Variants in TRPV3 observed in about 807,000 individuals in gnomAD.
The protein encoded by TRPV3 is VRL-3.
Under a neutral mutation model 87.1 loss-of-function variants are expected in TRPV3, and 88 were observed. That is an observed-to-expected ratio of 1.01 (90% CI 0.85 to 1.21). The LOEUF is 1.21. Among genes scored for constraint, TRPV3 ranks in the 50% most tolerant of loss-of-function variants. TRPV3 has a pLI of 0.00. For synonymous variants in TRPV3, 438 were observed against 423.3 expected (o/e 1.03, Z -0.43); for missense variants, 1,054 against 1,030.1 (o/e 1.02, Z -0.32).
intron 17 of TRPV3, 91 bp downstream of exon 17, chr17:3,514,502 T>TG: frequency 1.1e-6 from 1 of 884,904 alleles, no homozygotes; most frequent in South Asian, 1.4e-5. Flanking sequence ...ATTTGACAGA[T>TG]GGGGAAAGTC....
Position 3,518,827 on chromosome 17 carries a change from A to C in TRPV3, c.1834T>G (p.Cys612Gly), listed in dbSNP as rs778392278. 8 of 1,614,006 alleles carry C rather than the reference A, an allele frequency of 5.0e-6. No individual in the cohort carries two copies. The highest frequency in any genetic ancestry group is 1.7e-5 in the Admixed American group (1 of 60,018). ...GVALASLIEK[C>G]PKDNKDCSSY... ...CTGCAGTCCTTGTTGTCTTTGGGACACTTCTCGATCAGCGAGGCCAAGGCT... is the reference window on the plus strand; with the variant it reads ...CTGCAGTCCTTGTTGTCTTTGGGACCCTTCTCGATCAGCGAGGCCAAGGCT... Residue 612 changes from cysteine to glycine, a missense_variant, in exon 15 of 18, where the codon TGT (cysteine) becomes GGT (glycine). Cys to Gly is a radical substitution (Grantham distance 159). Coordinates refer to ENST00000576742, the MANE Select transcript of TRPV3 (RefSeq NM_145068.4). The surrounding 1 kb of genome is among the most constrained non-coding windows in gnomAD (Gnocchi z 4.3).
intron 13 of TRPV3, among the ~76,000 whole-genome samples, chr17:3,521,627 T>C (rs1357026635): frequency 1.3e-5 from 2 of 152,178 alleles, no homozygotes; most frequent in Non-Finnish European, 1.5e-5. Flanking sequence ...TCACAATATA[T>C]ACCTATATCA....
intron 3 of TRPV3, among the ~76,000 whole-genome samples, 167 bp downstream of exon 3, chr17:3,545,000 C>T (rs944847094): frequency 3.9e-5 from 6 of 152,242 alleles, no homozygotes; most frequent in African/African-American, 9.6e-5. Flanking sequence ...GGCAACAGAG[C>T]GACATTCCAT....
At chr17:3,519,444 G>GGATGGATA (rs2074215811) in intron 14 of TRPV3, among the ~76,000 whole-genome samples, 1 of 147,982 alleles carries the variant, frequency 6.8e-6, no homozygotes, top group South Asian at 2.2e-4. Context: ...ATGGATGGAT[G>GGATGGATA]GATGGATAGA....
chr17:3,528,696 G>A lies in TRPV3; in HGVS notation c.1401+141C>T, dbSNP rs995075643. 1.0e-6 allele frequency: 1 copy of A among 972,920 alleles called. No homozygotes were observed. Among genetic ancestry groups the A allele is most frequent in the African/African-American group, 1.6e-5 (1 of 60,916 alleles). The allele number at this position is 972,920 out of a possible 1,614,324, so 60.3% of individuals were successfully genotyped here. ...GCACTGAAGACATATTCAGTTCCCT[G>A]GGAAGCGTGAAGGACAACTGGGGGA... On this transcript the variant is annotated intron_variant, in intron 10 of 17. Coordinates refer to ENST00000576742, the MANE Select transcript of TRPV3 (RefSeq NM_145068.4). This position sits in a 1 kb window ranked among gnomAD's most constrained non-coding sequence, Gnocchi z 4.2.
chr17:3,530,778 A>G lies in TRPV3; in HGVS notation c.1066-575T>C, dbSNP rs1050040714. On this transcript the variant is annotated intron_variant, in intron 8 of 17. Transcript: ENST00000576742. This position sits in a 1 kb window ranked among gnomAD's most constrained non-coding sequence, Gnocchi z 4.0. Reference sequence around the variant, plus strand: ...ACTTAGAAATTCCCACAGCATGGCCAGGTGCAGTAGCTCACGCCTGTAATC... The same window carrying G: ...ACTTAGAAATTCCCACAGCATGGCCGGGTGCAGTAGCTCACGCCTGTAATC... Among the ~76,000 whole-genome samples the G allele has an allele frequency of 3.3e-5, 5 of 152,040 alleles. No individual in the cohort carries two copies. Among genetic ancestry groups the G allele is most frequent in the African/African-American group, 1.2e-4 (5 of 41,390 alleles).
At chr17:3,539,022 C>T (rs1025204346) in intron 6 of TRPV3, among the ~76,000 whole-genome samples, 7 of 152,332 alleles carry the variant, frequency 4.6e-5, no homozygotes, top group Non-Finnish European at 1.0e-4. Context: ...CAGCTGGAAA[C>T]ACCTGACTGT....
At chr17:3,514,361 G>A (rs1014745520) in intron 17 of TRPV3, 4 of 557,872 alleles carry the variant, frequency 7.2e-6, no homozygotes, top group East Asian at 6.0e-5. Flanking sequence ...TTACAGGCAC[G>A]AGCCACCGCG....
At position 3,554,615 on chromosome 17, in the gene TRPV3, C is replaced by T. The variant is rs2074609059; in HGVS notation, c.119+117G>A. 4 of 732,270 alleles carry T rather than the reference C, an allele frequency of 5.5e-6. No homozygotes were observed. The South Asian group carries it at 7.0e-5, about 13-fold the overall frequency. The allele number at this position is 732,270 out of a possible 1,614,324, so 45.4% of individuals were successfully genotyped here. On this transcript the variant is annotated intron_variant, in intron 2 of 17. Coordinates refer to ENST00000576742, the MANE Select transcript of TRPV3 (RefSeq NM_145068.4). ...TACCTCGCCGGGCACCGGGCCACCC[C>T]GGGCGAGACTGAGAGTCTCAGGTCT...
Position 3,518,947 on chromosome 17 carries a change from C to T in TRPV3, c.1811-97G>A, listed in dbSNP as rs2074208473. The T allele has an allele frequency of 1.5e-6, 2 of 1,327,438 alleles. No individual in the cohort carries two copies. Among genetic ancestry groups the T allele is most frequent in the Admixed American group, 2.4e-5 (1 of 41,846 alleles). The allele number at this position is 1,327,438 out of a possible 1,614,324, so 82.2% of individuals were successfully genotyped here. A position where few individuals can be genotyped will look rare whatever the true frequency, so the allele number is the denominator to read the frequency against. On this transcript the variant is annotated intron_variant, in intron 14 of 17. Transcript: ENST00000576742. The surrounding 1 kb of genome is among the most constrained non-coding windows in gnomAD (Gnocchi z 4.3). ...GCCTACATGACAAGCCTGCTGCCTC[C>T]TTCTCTCTGGCCATTAAATCCCATC...
Position 3,512,575 on chromosome 17 carries a change from G to C in TRPV3, c.*1342C>G, listed in dbSNP as rs185869145. 6.6e-6 allele frequency: 1 copy of C among 152,000 alleles called. No homozygotes were observed. The highest frequency in any genetic ancestry group is 1.9e-4 in the East Asian group (1 of 5,176). 9.4% of individuals were successfully genotyped at this position (152,000 alleles called of 1,614,324 possible). On this transcript the variant is annotated 3_prime_UTR_variant, in exon 18 of 18. Coordinates refer to ENST00000576742, the MANE Select transcript of TRPV3 (RefSeq NM_145068.4). Reference sequence around the variant, plus strand: ...GTTACTATTTTTATAATTCCACCTCGAACATTTTTACATGAATCCTTTCAC... The same window carrying C: ...GTTACTATTTTTATAATTCCACCTCCAACATTTTTACATGAATCCTTTCAC...
intron 12 of TRPV3, among the ~76,000 whole-genome samples, chr17:3,526,482 TA>T (rs112541565): frequency 0.095 from 13,622 of 143,514 alleles, 1,669 homozygotes; most frequent in African/African-American, 0.28. Flanking sequence ...CCACCTCAAC[TA>T]AAAAAAAAAA....
chr17:3,549,506 CAGA>C (rs1435279063), intron 2 of TRPV3, among the ~76,000 whole-genome samples: 1 of 152,206 alleles, frequency 6.6e-6, no homozygotes, highest in Non-Finnish European at 1.5e-5. Flanking sequence ...TCCTAACACT[CAGA>C]AGACTTCATC....
chr17:3,543,667 C>T lies in TRPV3; in HGVS notation c.312-39G>A, dbSNP rs1486893149. On this transcript the variant is annotated intron_variant, in intron 4 of 17. Transcript: ENST00000576742. ...ATGTTTCCAACTCAACACACACATC[C>T]TCTCAAGCTCAATCTCTCCTTTTCC... is the stretch of plus-strand genomic sequence containing the variant. 7 of 1,608,240 alleles carry T rather than the reference C, an allele frequency of 4.4e-6. No individual in the cohort carries two copies. The East Asian group carries it at 6.7e-5, about 15-fold the overall frequency.
At position 3,513,708 on chromosome 17, in the gene TRPV3, G is replaced by C; in HGVS notation, c.*209C>G. On this transcript the variant is annotated 3_prime_UTR_variant, in exon 18 of 18. Transcript: ENST00000576742. Reference sequence around the variant, plus strand: ...TAGGTTTACACCAGCTGTTTGCCAAGTAACAAAATCCAGGATGTTTCCCAC... The same window carrying C: ...TAGGTTTACACCAGCTGTTTGCCAACTAACAAAATCCAGGATGTTTCCCAC... 1 of 485,936 alleles carries C rather than the reference G, an allele frequency of 2.1e-6. No individual in the cohort carries two copies. Among genetic ancestry groups the C allele is most frequent in the East Asian group, 3.1e-5 (1 of 32,336 alleles). 30.1% of individuals were successfully genotyped at this position (485,936 alleles called of 1,614,324 possible). A position where few individuals can be genotyped will look rare whatever the true frequency, so the allele number is the denominator to read the frequency against.
rs538028831 is a variant in TRPV3 at position 3,518,173 on chromosome 17, C to T, written c.2085+403G>A. 5.3e-5 allele frequency among the ~76,000 whole-genome samples: 8 copies of T among 152,162 alleles called. No individual in the cohort carries two copies. The highest frequency in any genetic ancestry group is 1.9e-4 in the African/African-American group (8 of 41,514). ...CCAGTCCTCTCCCAAACCTGGTTAC[C>T]ACCTCTGAACCCATCCTATGCATTG... On this transcript the variant is annotated intron_variant, in intron 15 of 17. Transcript: ENST00000576742. This position sits in a 1 kb window ranked among gnomAD's most constrained non-coding sequence, Gnocchi z 4.3.
intron 12 of TRPV3, among the ~76,000 whole-genome samples, chr17:3,525,163 GCACCC>G (rs2074286401): frequency 1.3e-5 from 2 of 149,866 alleles, no homozygotes; most frequent in East Asian, 4.2e-4. Context: ...GGGATTACAG[GCACCC>G]GCCACCACAC....
intron 2 of TRPV3, among the ~76,000 whole-genome samples, chr17:3,545,824 C>CAAAA (rs35206458): frequency 6.7e-4 from 83 of 124,574 alleles, no homozygotes; most frequent in African/African-American, 2.4e-3. Flanking sequence ...ACTTAAAATG[C>CAAAA]AAAAAAAAAA....
At position 3,528,036 on chromosome 17, in the gene TRPV3, A is replaced by G. The variant is rs1479466505; in HGVS notation, c.1492T>C (p.Ser498Pro). The G allele has an allele frequency of 1.9e-6, 3 of 1,613,560 alleles. No individual in the cohort carries two copies. Among genetic ancestry groups the G allele is most frequent in the Non-Finnish European group, 2.5e-6 (3 of 1,179,930 alleles). Residue 498 changes from serine to proline, a missense_variant, in exon 11 of 18, where the codon TCT (serine) becomes CCT (proline). Physicochemically the swap from Ser to Pro is moderately conservative, Grantham distance 74. Transcript: ENST00000576742. The surrounding 1 kb of genome is among the most constrained non-coding windows in gnomAD (Gnocchi z 4.2). ...GGTGGCCCACTTACCTCTTTCACAG[A>G]GATGCACATGGCCCAGATGAGCACA... Reference protein sequence around the residue: ...MFVLIWAMCISVKEGIAIFLL... With the variant: ...MFVLIWAMCIPVKEGIAIFLL...
Sources: gnomAD v4.1 joint callset for allele counts (sites outside exome capture counted in the v4.1 genomes callset) on GRCh38, gnomAD v4.1.1 for gene constraint, Gnocchi (gnomAD v3.1) non-coding constraint, MANE v1.5 for transcripts, NCBI Gene and HGNC (gene_info 2026-07-23, HGNC 2026-07-21) for gene names.